The following SPECC1L variants were observed in gnomAD, a reference collection of about 807,000 sequenced individuals.
SPECC1L encodes cytospin-A.
SPECC1L carries 40 observed loss-of-function variants against 116.8 expected under a neutral mutation model. The ratio of observed to expected loss-of-function variants is 0.34; its 90% CI spans 0.27 to 0.45. The LOEUF (loss-of-function observed/expected upper bound fraction) is 0.45. SPECC1L is among the 20% of genes least tolerant of loss of function. The pLI, the probability that SPECC1L is intolerant of heterozygous loss-of-function variation, is 1.00. For missense variants in SPECC1L, 1,110 were observed against 1,373.6 expected (o/e 0.81, Z 3.03); for synonymous variants, 504 against 500.6 (o/e 1.01, Z -0.09).
chr22:24,301,293 T>C (rs947037868), intron 2 of SPECC1L, among the ~76,000 whole-genome samples: 3 of 152,062 alleles, frequency 2.0e-5, no homozygotes, highest in Admixed American at 6.6e-5. Context: ...CCATCAAAAA[T>C]TGGGCAAAGG....
chr22:24,384,266 A>C (rs1315185353), intron 14 of SPECC1L, among the ~76,000 whole-genome samples: 1 of 152,200 alleles, frequency 6.6e-6, no homozygotes, highest in African/African-American at 2.4e-5. Flanking sequence ...CTAGGTTAAG[A>C]AGAATAATGG....
intron 14 of SPECC1L, among the ~76,000 whole-genome samples, chr22:24,386,914 A>T (rs1335870653): frequency 6.6e-6 from 1 of 152,162 alleles, no homozygotes; most frequent in African/African-American, 2.4e-5. Flanking sequence ...CTCAGGATCT[A>T]ATTTTTATTA....
chr22:24,353,937 G>A (rs1450672980), intron 11 of SPECC1L, among the ~76,000 whole-genome samples: 1 of 152,184 alleles, frequency 6.6e-6, no homozygotes, highest in African/African-American at 2.4e-5. Flanking sequence ...AAGAAAAGAG[G>A]TTTAATTGGC....
At chr22:24,286,763 A>G (rs2049051607) in intron 2 of SPECC1L, among the ~76,000 whole-genome samples, 1 of 152,122 alleles carries the variant, frequency 6.6e-6, no homozygotes, top group Non-Finnish European at 1.5e-5. Flanking sequence ...AATTCAGGCT[A>G]TTCACATCAT....
chr22:24,391,308 C>G (rs920268308), intron 14 of SPECC1L, among the ~76,000 whole-genome samples: 2 of 152,162 alleles, frequency 1.3e-5, no homozygotes, highest in African/African-American at 2.4e-5. Context: ...ACAAAGTTTT[C>G]CCAGAATCAC....
intron 12 of SPECC1L, among the ~76,000 whole-genome samples, chr22:24,364,490 G>A (rs768944073): frequency 6.6e-6 from 1 of 151,898 alleles, no homozygotes; most frequent in Admixed American, 6.6e-5. Flanking sequence ...TGGCAAAACC[G>A]TGTGTCTACT....
intron 14 of SPECC1L, among the ~76,000 whole-genome samples, chr22:24,408,861 G>A (rs1057062362): frequency 1.3e-5 from 2 of 152,248 alleles, no homozygotes; most frequent in African/African-American, 2.4e-5. Context: ...AGTCAGCCTC[G>A]TGATCCTCCA....
chr22:24,365,570 A>T lies in SPECC1L; in HGVS notation c.2922A>T (p.Pro974=). The T allele has an allele frequency of 6.2e-7, 1 of 1,614,182 alleles. No individual in the cohort carries two copies. The highest frequency in any genetic ancestry group is 8.5e-7 in the Non-Finnish European group (1 of 1,180,044). The stretch of plus-strand genomic sequence containing the variant: ...TGATGGCTATGGGAACCACGTCTCC[A>T]CAGCTTTCCCTGTCCTCTTCTCCAA... ...ASLMAMGTTS[P]QLSLSSSPTA... is the part of the protein sequence containing the mutation. The change falls in exon 13 of 17, where the codon CCA becomes CCT. Residue 974 remains proline, a synonymous_variant. Transcript: ENST00000314328.
intron 2 of SPECC1L, among the ~76,000 whole-genome samples, chr22:24,287,284 G>A (rs1288442473): frequency 2.0e-5 from 3 of 152,170 alleles, no homozygotes; most frequent in African/African-American, 7.2e-5. Context: ...AGCAGGTATC[G>A]GCGCTGGGGT....
intron 11 of SPECC1L, among the ~76,000 whole-genome samples, chr22:24,349,581 A>G (rs767236607): frequency 6.6e-5 from 10 of 152,102 alleles, no homozygotes; most frequent in Admixed American, 3.9e-4. Context: ...TTCTCAGACA[A>G]TGTCTCCAGG....
At chr22:24,363,770 A>G (rs1420968386) in intron 12 of SPECC1L, among the ~76,000 whole-genome samples, 2 of 152,318 alleles carry the variant, frequency 1.3e-5, no homozygotes, top group South Asian at 2.1e-4. Flanking sequence ...CTAGAAATAT[A>G]TAAGCATGTC....
At chr22:24,289,179 A>G (rs1276431189) in intron 2 of SPECC1L, among the ~76,000 whole-genome samples, 2 of 152,210 alleles carry the variant, frequency 1.3e-5, no homozygotes. Context: ...TTCTTTTTGT[A>G]AATATTCAGA....
intron 3 of SPECC1L, among the ~76,000 whole-genome samples, chr22:24,306,182 C>A (rs971220886): frequency 1.3e-5 from 2 of 152,182 alleles, no homozygotes; most frequent in African/African-American, 4.8e-5. Flanking sequence ...GCTGGAATTA[C>A]AGGCATGAGC....
rs1291931268 is a variant in SPECC1L at position 24,365,485 on chromosome 22, G to A, written c.2837G>A (p.Arg946Gln). ...ESAKTLSVSRRSSEEVKRDIS... is the reference protein window; with the variant it reads ...ESAKTLSVSRQSSEEVKRDIS... ...TGACTATTTCTCACAGTGTCTCGAC[G>A]AAGTAGTGAAGAAGTGAAACGGGAC... The change falls in exon 13 of 17, where the codon CGA (arginine) becomes CAA (glutamine). Residue 946 changes from arginine (R) to glutamine (Q), a missense_variant. By Grantham distance (43) the Arg-to-Gln change is conservative. Coordinates refer to ENST00000314328, the MANE Select transcript of SPECC1L (RefSeq NM_015330.6). The A allele has an allele frequency of 4.3e-6, 7 of 1,613,878 alleles. No homozygotes were observed. In the East Asian group the frequency reaches 6.7e-5, roughly 15 times the overall value.
At chr22:24,316,685 C>T (rs370014982) in intron 4 of SPECC1L, among the ~76,000 whole-genome samples, 2 of 149,218 alleles carry the variant, frequency 1.3e-5, no homozygotes, top group South Asian at 2.2e-4. Flanking sequence ...CCTCTTTCTA[C>T]ACAGACACGG....
Position 24,355,559 on chromosome 22 carries a change from A to G in SPECC1L, c.2744-7702A>G, listed in dbSNP as rs115495423. The stretch of plus-strand genomic sequence containing the variant: ...AAGTTTATACTCATACCTGACTCCA[A>G]GCCATCACCAATGGGTTCATTCCAG... On this transcript the variant is annotated intron_variant, in intron 11 of 16. Transcript: ENST00000314328. Among the ~76,000 whole-genome samples the G allele has an allele frequency of 4.1e-3, 618 of 152,190 alleles. 7 individuals are homozygous for G. The highest frequency in any genetic ancestry group is 0.014 in the African/African-American group (576 of 41,530).
intron 14 of SPECC1L, among the ~76,000 whole-genome samples, chr22:24,390,381 G>T (rs2042240962): frequency 6.6e-6 from 1 of 152,148 alleles, no homozygotes; most frequent in East Asian, 1.9e-4. Flanking sequence ...GCAGAGCTTA[G>T]TTGGTTTAAT....
At chr22:24,302,128 G>C in intron 2 of SPECC1L, 67 bp from the exon 3 acceptor site, 1 of 1,274,836 alleles carries the variant, frequency 7.8e-7, no homozygotes, top group Non-Finnish European at 1.1e-6. Context: ...AAAATTCTTC[G>C]AAAACAAATT....
At chr22:24,339,704 G>T (rs890054579) in intron 10 of SPECC1L, among the ~76,000 whole-genome samples, 2 of 152,226 alleles carry the variant, frequency 1.3e-5, no homozygotes, top group African/African-American at 2.4e-5. Context: ...CATTTGTGCT[G>T]TGTTTACTAG....
Sources: allele counts gnomAD v4.1 joint callset (sites outside exome capture counted in the v4.1 genomes callset), GRCh38; gene constraint gnomAD v4.1.1; transcripts MANE v1.5; gene names NCBI Gene and HGNC (gene_info 2026-07-23, HGNC 2026-07-21).